Variants in RPGRIP1 observed in about 807,000 individuals in gnomAD.
RPGRIP1 encodes the protein X-linked retinitis pigmentosa GTPase regulator-interacting protein 1.
A neutral mutation model predicts 157.9 loss-of-function variants in RPGRIP1; 128 were observed. The ratio of observed to expected loss-of-function variants is 0.81; its 90% CI spans 0.70 to 0.94. The LOEUF (loss-of-function observed/expected upper bound fraction) is 0.94. Ranked by LOEUF, RPGRIP1 falls within the 40% of genes least tolerant of loss-of-function variation. RPGRIP1 has a pLI of 0.00. For missense variants in RPGRIP1, 1,486 were observed against 1,545.8 expected, an observed-to-expected ratio of 0.96 and a Z score of 0.65; for synonymous variants, 554 against 571.6, an observed-to-expected ratio of 0.97 and a Z score of 0.44.
chr14:21,297,879 T>C lies in RPGRIP1; in HGVS notation c.218+3070T>C, dbSNP rs147203347. Among the ~76,000 whole-genome samples the C allele has an allele frequency of 4.7e-3, 714 of 150,948 alleles. 6 individuals carry two copies. Among genetic ancestry groups the C allele is most frequent in the African/African-American group, 0.016 (672 of 41,142 alleles). On this transcript the variant is annotated intron_variant, in intron 3 of 24. Transcript: ENST00000400017. ...TTTCTTTCTTTCTTTCTTTCTTTCT[T>C]TTTTTTGAGATAGGGTCTCACTCTG... is the stretch of plus-strand genomic sequence containing the variant.
intron 2 of RPGRIP1, among the ~76,000 whole-genome samples, chr14:21,289,993 A>T (rs1433200547): frequency 6.6e-6 from 1 of 152,072 alleles, no homozygotes; most frequent in Non-Finnish European, 1.5e-5. Flanking sequence ...AGTAGCTGGG[A>T]TTACAGGCAC....
intron 11 of RPGRIP1, among the ~76,000 whole-genome samples, chr14:21,319,567 AAC>A (rs141948028): frequency 6.6e-6 from 1 of 151,782 alleles, no homozygotes; most frequent in Non-Finnish European, 1.5e-5. Flanking sequence ...TAAAGAGAAA[AAC>A]ACACACACAC....
At chr14:21,326,459 T>A (rs996254008) in intron 17 of RPGRIP1, among the ~76,000 whole-genome samples, 12 of 152,130 alleles carry the variant, frequency 7.9e-5, no homozygotes, top group African/African-American at 2.7e-4. Context: ...AACTTCTTTG[T>A]TTTTTGAGAT....
intron 21 of RPGRIP1, among the ~76,000 whole-genome samples, chr14:21,340,004 T>C (rs147523249): frequency 7.0e-4 from 107 of 152,034 alleles, no homozygotes; most frequent in Middle Eastern, 3.4e-3. Context: ...CTAGGATAGG[T>C]GTTGAGGAAA....
chr14:21,280,893 G>A (rs1390204536), intron 1 of RPGRIP1, among the ~76,000 whole-genome samples: 1 of 152,086 alleles, frequency 6.6e-6, no homozygotes, highest in Non-Finnish European at 1.5e-5. Flanking sequence ...TCTGCAGAAT[G>A]AATAAAACTC....
At position 21,327,703 on chromosome 14, in the gene RPGRIP1, C is replaced by T. The variant is rs761644947; in HGVS notation, c.2791C>T (p.Pro931Ser). 8 of 1,613,764 alleles carry T rather than the reference C, an allele frequency of 5.0e-6. No individual in the cohort carries two copies. The East Asian group carries it at 1.6e-4, about 31-fold the overall frequency. ...VQLDWKFPYI[P>S]PESFLKPEAQ... ...ACTGGATTGGAAGTTTCCCTACATACCCCCTGAGAGCTTCCTGAAACCAGA... is the reference window on the plus strand; with the variant it reads ...ACTGGATTGGAAGTTTCCCTACATATCCCCTGAGAGCTTCCTGAAACCAGA... The change falls in exon 18 of 25, where the codon CCC (proline) becomes TCC (serine). Residue 931 changes from proline (P) to serine (S), a missense_variant. Coordinates refer to ENST00000400017, the MANE Select transcript of RPGRIP1 (RefSeq NM_020366.4).
At chr14:21,308,439 T>C (rs1420178314) in intron 7 of RPGRIP1, among the ~76,000 whole-genome samples, 3 of 105,974 alleles carry the variant, frequency 2.8e-5, no homozygotes, top group Non-Finnish European at 4.1e-5. Context: ...CAAGGGTAAG[T>C]AAGAAAAAAC....
intron 11 of RPGRIP1, among the ~76,000 whole-genome samples, chr14:21,319,608 C>T (rs577869187): frequency 6.6e-6 from 1 of 152,174 alleles, no homozygotes; most frequent in African/African-American, 2.4e-5. Context: ...GCCCATCCTC[C>T]ATCCAGGCCA....
chr14:21,310,900 A>C lies in RPGRIP1; in HGVS notation c.930+293A>C, dbSNP rs201852827. On this transcript the variant is annotated intron_variant, in intron 8 of 24. Transcript: ENST00000400017. ...TATAGCATTTGCTCAAAACTTCCTA[A>C]GAGTATTCTTCTAGCATGTGTGAGG... is the stretch of plus-strand genomic sequence containing the variant. The C allele has an allele frequency of 1.0e-3, 619 of 618,224 alleles. 5 individuals carry two copies. Among genetic ancestry groups the C allele is most frequent in the South Asian group, 8.4e-3 (602 of 71,826 alleles). The allele number at this position is 618,224 out of a possible 1,614,324, so 38.3% of individuals were successfully genotyped here. A position where few individuals can be genotyped will look rare whatever the true frequency, so the allele number is the denominator to read the frequency against.
At chr14:21,320,253 A>T (rs1882255207) in intron 12 of RPGRIP1, 76 bp downstream of exon 12, 5 of 1,286,232 alleles carry the variant, frequency 3.9e-6, no homozygotes, top group Non-Finnish European at 5.5e-6. Context: ...AGATGATGAG[A>T]TTAGAAAACT....
At chr14:21,319,122 C>T (rs2139195560) in intron 11 of RPGRIP1, among the ~76,000 whole-genome samples, 1 of 152,248 alleles carries the variant, frequency 6.6e-6, no homozygotes, top group South Asian at 2.1e-4. Flanking sequence ...AGGCAAGAAC[C>T]ATGTTTAGGA....
At chr14:21,350,866 T>C (rs983454417) in intron 24 of RPGRIP1, among the ~76,000 whole-genome samples, 1 of 152,144 alleles carries the variant, frequency 6.6e-6, no homozygotes, top group Non-Finnish European at 1.5e-5. Flanking sequence ...TCTCCAGAAA[T>C]CCTTTCCAAT....
Position 21,293,880 on chromosome 14 carries a change from TA to T in RPGRIP1, c.86-783del, listed in dbSNP as rs1184742648. 6.8e-3 allele frequency among the ~76,000 whole-genome samples: 951 copies of T among 138,862 alleles called. 3 individuals are homozygous for T. Among genetic ancestry groups the T allele is most frequent in the African/African-American group, 0.014 (542 of 38,024 alleles). The allele number at this position is 138,862 out of a possible 152,430, so 91.1% of individuals were successfully genotyped here. A position where few individuals can be genotyped will look rare whatever the true frequency, so the allele number is the denominator to read the frequency against. ...GGCGAGAGTGCGAGACTCCGTCTCT[TA>T]AAAAAAAAAAAAATGGAAGAAATTA... On this transcript the variant is annotated intron_variant, in intron 2 of 24. Transcript: ENST00000400017.
rs371653245 is a variant in RPGRIP1, at chr14:21,321,369, T to C, written c.1578T>C (p.Leu526=). 2.6e-5 allele frequency: 42 copies of C among 1,612,648 alleles called. No individual in the cohort carries two copies. Among genetic ancestry groups the C allele is most frequent in the Non-Finnish European group, 3.4e-5 (40 of 1,179,618 alleles). ...TLELEKTRDM[L]ILQRKINVCY... ...AACTAGAAAAGACCAGGGACATGCT[T>C]ATTCTGCAGCGCAAAATCAACGTGT... Residue 526 remains leucine (L), a synonymous_variant, in exon 13 of 25, where the codon CTT becomes CTC. Transcript: ENST00000400017.
At chr14:21,304,440 A>G (rs999985758) in intron 6 of RPGRIP1, among the ~76,000 whole-genome samples, 5 of 141,726 alleles carry the variant, frequency 3.5e-5, no homozygotes, top group South Asian at 2.3e-4. Flanking sequence ...AGAAAGAAAG[A>G]AAGAAATTAA....
intron 23 of RPGRIP1, among the ~76,000 whole-genome samples, chr14:21,346,053 C>T (rs561234560): frequency 1.2e-4 from 18 of 151,978 alleles, no homozygotes; most frequent in African/African-American, 4.1e-4. Context: ...CCAGGTGATC[C>T]TTCTGCCTCA....
intron 17 of RPGRIP1, among the ~76,000 whole-genome samples, chr14:21,326,872 A>T (rs1475115539): frequency 6.7e-6 from 1 of 150,174 alleles, no homozygotes; most frequent in Non-Finnish European, 1.5e-5. Context: ...AATTTCTTGG[A>T]TTTTTTTTTT....
intron 21 of RPGRIP1, among the ~76,000 whole-genome samples, chr14:21,335,818 A>T (rs1241831548): frequency 1.3e-5 from 2 of 152,228 alleles, no homozygotes; most frequent in African/African-American, 2.4e-5. Flanking sequence ...AAAAAAAGAG[A>T]CACACATATA....
chr14:21,314,906 C>CCAACTTGGGATTA (rs1881705697), intron 10 of RPGRIP1, among the ~76,000 whole-genome samples: 1 of 151,910 alleles, frequency 6.6e-6, no homozygotes, highest in Non-Finnish European at 1.5e-5. Flanking sequence ...GCCTGTAATC[C>CCAACTTGGGATTA]CAGATACTTG....
Sources: gnomAD v4.1 joint callset for allele counts (sites outside exome capture counted in the v4.1 genomes callset) on GRCh38, gnomAD v4.1.1 for gene constraint, MANE v1.5 for transcripts, NCBI Gene and HGNC (gene_info 2026-07-23, HGNC 2026-07-21) for gene names.